BABAM2: variants seen among roughly 807,000 people sequenced by gnomAD.
The protein encoded by BABAM2 is BRISC and BRCA1 A complex member 2, also known as BRISC and BRCA1-A complex member 2.
In BABAM2, 31 loss-of-function variants were observed where a neutral mutation model predicts 54.7. The observed-to-expected ratio is 0.57, with a 90% CI of 0.43 to 0.77. BABAM2 has a LOEUF of 0.77. Among genes scored for constraint, BABAM2 ranks in the 30% least tolerant of loss-of-function variants. The pLI is 0.00. For missense variants in BABAM2, 364 were observed against 455.8 expected, an observed-to-expected ratio of 0.80 and a Z score of 1.83; for synonymous variants, 167 against 162.9, an observed-to-expected ratio of 1.03 and a Z score of -0.19.
intron 7 of BABAM2, among the ~76,000 whole-genome samples, chr2:28,197,867 A>G (rs1677780235): frequency 6.6e-6 from 1 of 152,204 alleles, no homozygotes; most frequent in African/African-American, 2.4e-5. Context: ...GTCAGCACTA[A>G]AGACAGCTTT....
chr2:28,061,781 T>G (rs893098005), intron 6 of BABAM2, among the ~76,000 whole-genome samples: 2 of 152,034 alleles, frequency 1.3e-5, no homozygotes, highest in African/African-American at 4.8e-5. Context: ...TAACTTTTTT[T>G]TTTTAAAAAC....
At chr2:28,331,766 T>C (rs544638220) in intron 11 of BABAM2, among the ~76,000 whole-genome samples, 1 of 152,212 alleles carries the variant, frequency 6.6e-6, no homozygotes, top group Non-Finnish European at 1.5e-5. Flanking sequence ...TGGCAATTCC[T>C]CAAAGACCTA....
At chr2:27,975,878 T>A (rs1335228307) in intron 3 of BABAM2, among the ~76,000 whole-genome samples, 1 of 151,804 alleles carries the variant, frequency 6.6e-6, no homozygotes, top group Admixed American at 6.6e-5. Flanking sequence ...ATAAAAAAAA[T>A]GGGGAACAGA....
At chr2:28,192,384 A>G (rs1426696080) in intron 7 of BABAM2, among the ~76,000 whole-genome samples, 1 of 152,118 alleles carries the variant, frequency 6.6e-6, no homozygotes, top group Non-Finnish European at 1.5e-5. Context: ...AACATGGCAC[A>G]TTTATACATA....
intron 6 of BABAM2, among the ~76,000 whole-genome samples, chr2:28,067,125 T>A (rs1663673450): frequency 6.6e-6 from 1 of 151,926 alleles, no homozygotes; most frequent in African/African-American, 2.4e-5. Flanking sequence ...AGAGATGGCG[T>A]TTCACCATGT....
At chr2:27,971,690 A>G (rs567588303) in intron 3 of BABAM2, among the ~76,000 whole-genome samples, 1 of 151,422 alleles carries the variant, frequency 6.6e-6, no homozygotes, top group African/African-American at 2.4e-5. Context: ...AAATTTTCCC[A>G]TGTGTTTTTT....
intron 3 of BABAM2, among the ~76,000 whole-genome samples, chr2:27,968,844 C>T (rs1185518662): frequency 1.3e-5 from 2 of 152,104 alleles, no homozygotes; most frequent in East Asian, 3.8e-4. Flanking sequence ...AGGGACTTGC[C>T]TTGTATCACA....
At chr2:28,188,487 G>A (rs1676556349) in intron 7 of BABAM2, among the ~76,000 whole-genome samples, 2 of 152,168 alleles carry the variant, frequency 1.3e-5, no homozygotes, top group South Asian at 2.1e-4. Context: ...AATAATTCTT[G>A]GATATTGAAG....
intron 4 of BABAM2, among the ~76,000 whole-genome samples, chr2:27,992,451 A>G (rs1052713010): frequency 6.6e-6 from 1 of 152,126 alleles, no homozygotes; most frequent in Non-Finnish European, 1.5e-5. Flanking sequence ...TCCATCAATA[A>G]ATTTTAGGGA....
At chr2:27,893,401 GTA>G (rs538692281) in intron 1 of BABAM2, among the ~76,000 whole-genome samples, 1 of 152,274 alleles carries the variant, frequency 6.6e-6, no homozygotes, top group South Asian at 2.1e-4. Flanking sequence ...CTGCATAGAT[GTA>G]TGTTTTCATA....
intron 4 of BABAM2, among the ~76,000 whole-genome samples, chr2:27,992,341 G>T (rs2148494444): frequency 6.6e-6 from 1 of 152,244 alleles, no homozygotes; most frequent in East Asian, 1.9e-4. Context: ...ATTGAACACT[G>T]TTCAATATGG....
chr2:28,267,555 G>A (rs543499600), intron 10 of BABAM2, among the ~76,000 whole-genome samples: 10 of 152,278 alleles, frequency 6.6e-5, no homozygotes, highest in African/African-American at 1.2e-4. Context: ...ACACAGTAAC[G>A]TTTTATTTCC....
chr2:28,276,601 C>G (rs1213850325), intron 10 of BABAM2, among the ~76,000 whole-genome samples: 1 of 152,198 alleles, frequency 6.6e-6, no homozygotes, highest in Non-Finnish European at 1.5e-5. Context: ...GTGTTTGGCT[C>G]ACAACCCAAG....
At chr2:28,247,022 T>C (rs887099798) in intron 10 of BABAM2, among the ~76,000 whole-genome samples, 2 of 152,240 alleles carry the variant, frequency 1.3e-5, no homozygotes, top group African/African-American at 4.8e-5. Context: ...AAATCAGACA[T>C]GCAGAATTGA....
intron 3 of BABAM2, among the ~76,000 whole-genome samples, chr2:27,983,017 A>G (rs1672136832): frequency 6.6e-6 from 1 of 152,006 alleles, no homozygotes; most frequent in Non-Finnish European, 1.5e-5. Flanking sequence ...TTAGCTACTT[A>G]GGGTATATTC....
At chr2:27,972,587 T>C (rs1398165476) in intron 3 of BABAM2, among the ~76,000 whole-genome samples, 1 of 152,178 alleles carries the variant, frequency 6.6e-6, no homozygotes, top group African/African-American at 2.4e-5. Context: ...GTGGCTAGTC[T>C]GAATTGAGAT....
intron 3 of BABAM2, among the ~76,000 whole-genome samples, chr2:27,947,256 AT>A (rs1467421047): frequency 6.6e-6 from 1 of 151,440 alleles, no homozygotes; most frequent in Non-Finnish European, 1.5e-5. Flanking sequence ...ATTAATTAAT[AT>A]TTTAGGATTT....
intron 2 of BABAM2, among the ~76,000 whole-genome samples, chr2:27,917,740 C>T (rs1221961054): frequency 6.6e-6 from 1 of 151,948 alleles, no homozygotes; most frequent in East Asian, 1.9e-4. Flanking sequence ...CTGCTACATG[C>T]ATATTTACTT....
chr2:28,183,739 T>TCTCACACACACACACATA (rs1553336494), intron 7 of BABAM2, among the ~76,000 whole-genome samples: 27 of 133,124 alleles, frequency 2.0e-4, no homozygotes, highest in Non-Finnish European at 3.5e-4. Context: ...TGGATGAAGA[T>TCTCACACACACACACATA]CACACACACA....
Sources: allele counts gnomAD v4.1 joint callset (sites outside exome capture counted in the v4.1 genomes callset), GRCh38; gene constraint gnomAD v4.1.1; transcripts MANE v1.5; gene names NCBI Gene and HGNC (gene_info 2026-07-23, HGNC 2026-07-21).